Variants in CORO2A observed in about 807,000 individuals in gnomAD.
CORO2A encodes the protein coronin 2A, also known as coronin-2A.
A neutral mutation model predicts 62.4 loss-of-function variants in CORO2A; 47 were observed. The observed-to-expected ratio is 0.75, with a 90% CI of 0.60 to 0.96. CORO2A has a LOEUF of 0.96. Ranked by LOEUF, CORO2A falls within the 40% of genes least tolerant of loss-of-function variation. The probability of loss-of-function intolerance (pLI) is 0.00; values close to 1 mark genes in which losing one functional copy is unlikely to be tolerated. For synonymous variants in CORO2A, 273 were observed against 268.9 expected (o/e 1.02, Z -0.15); for missense variants, 610 against 684.1 (o/e 0.89, Z 1.21).
chr9:98,144,782 C>T (rs886314101), intron 2 of CORO2A, among the ~76,000 whole-genome samples: 5 of 152,060 alleles, frequency 3.3e-5, no homozygotes, highest in East Asian at 3.9e-4. Flanking sequence ...AAGCAGCCAG[C>T]GGGCACGGTA....
In CORO2A at chr9:98,149,860, C is replaced by T. The variant is rs971286237; in HGVS notation, c.201+7600G>A. ...TATCTTTGAGCTATTTATTATATTT[C>T]AAAAAGCCCAAAGAGAATCACACAT... On this transcript the variant is annotated intron_variant, in intron 2 of 11. Coordinates refer to ENST00000375077, the MANE Select transcript of CORO2A (RefSeq NM_052820.4). 8.5e-5 allele frequency among the ~76,000 whole-genome samples: 13 copies of T among 152,100 alleles called. 1 individual carries two copies. Among genetic ancestry groups the T allele is most frequent in the Admixed American group, 7.2e-4 (11 of 15,268 alleles).
chr9:98,155,490 G>A (rs1052741282), intron 2 of CORO2A, among the ~76,000 whole-genome samples: 2 of 151,744 alleles, frequency 1.3e-5, no homozygotes, highest in Admixed American at 1.3e-4. Context: ...GGGATTACAG[G>A]TGCCCGCCAC....
intron 1 of CORO2A, among the ~76,000 whole-genome samples, chr9:98,181,485 T>C (rs762452703): frequency 6.6e-6 from 1 of 152,060 alleles, no homozygotes; most frequent in African/African-American, 2.4e-5. Flanking sequence ...TCCAAACATC[T>C]GTTAAACTTG....
At chr9:98,179,026 TCTTTACCGGTCCTTTTA>T (rs1354201445) in intron 1 of CORO2A, among the ~76,000 whole-genome samples, 4 of 152,204 alleles carry the variant, frequency 2.6e-5, no homozygotes, top group African/African-American at 7.2e-5. Context: ...ACAGTCTAGC[TCTTTACCGGTCCTTTTA>T]CTTTACTGGT....
intron 2 of CORO2A, among the ~76,000 whole-genome samples, chr9:98,141,842 T>C (rs1827572811): frequency 6.6e-6 from 1 of 152,176 alleles, no homozygotes; most frequent in Non-Finnish European, 1.5e-5. Context: ...TGAGATACTA[T>C]GCATGAAGAG....
rs748663334 is a variant in CORO2A at position 98,126,530 on chromosome 9, AC to A, written c.1446+18del. The A allele has an allele frequency of 3.7e-6, 6 of 1,606,328 alleles. No homozygotes were observed. The Admixed American group carries it at 1.0e-4, about 27-fold the overall frequency. ...CCCAGCTGCCCCATGTGAAAGGCCC[AC>A]CCCGTCCTCCTTCACACCTCATTCT... On this transcript the variant is annotated intron_variant, in intron 11 of 11. Transcript: ENST00000375077.
chr9:98,142,508 G>A (rs985973368), intron 2 of CORO2A, among the ~76,000 whole-genome samples: 5 of 152,182 alleles, frequency 3.3e-5, no homozygotes, highest in African/African-American at 1.2e-4. Flanking sequence ...TGGCTGTGGG[G>A]CACTGATTGC....
chr9:98,129,814 T>C lies in CORO2A; in HGVS notation c.947A>G (p.Tyr316Cys), dbSNP rs755967926. 1.2e-6 allele frequency: 2 copies of C among 1,613,736 alleles called. No individual in the cohort carries two copies. Among genetic ancestry groups the C allele is most frequent in the Admixed American group, 1.7e-5 (1 of 60,026 alleles). Residue 316 changes from tyrosine (Y) to cysteine (C), a missense_variant, in exon 8 of 12, where the codon TAT (tyrosine) becomes TGT (cysteine). Transcript: ENST00000375077. ...CTTACCGATCCCCTTCTGTGGGTTATAGGAGCGGTACTCAGTCAGGTAGCT... is the reference window on the plus strand; with the variant it reads ...CTTACCGATCCCCTTCTGTGGGTTACAGGAGCGGTACTCAGTCAGGTAGCT... ...HLSYLTEYRS[Y>C]NPQKGIGVMP...
At position 98,167,116 on chromosome 9, in the gene CORO2A, A is replaced by G. The variant is rs951664007; in HGVS notation, c.1-9456T>C. Among the ~76,000 whole-genome samples the G allele has an allele frequency of 6.6e-5, 10 of 152,048 alleles. No homozygotes were observed. The South Asian group carries it at 8.3e-4, about 13-fold the overall frequency. On this transcript the variant is annotated intron_variant, in intron 1 of 11. Transcript: ENST00000375077. Reference sequence around the variant, plus strand: ...AAGATCCTGTCTCAAAAAAAAAAAAAAAAGAAAGAAAAGAAAAAGGAAGAA... The same window carrying G: ...AAGATCCTGTCTCAAAAAAAAAAAAGAAAGAAAGAAAAGAAAAAGGAAGAA...
chr9:98,131,554 A>G (rs192493972), intron 6 of CORO2A, among the ~76,000 whole-genome samples: 1 of 152,132 alleles, frequency 6.6e-6, no homozygotes, highest in African/African-American at 2.4e-5. Context: ...CGTGGCCTCA[A>G]GTGATCCTCC....
intron 3 of CORO2A, among the ~76,000 whole-genome samples, chr9:98,135,602 G>C (rs577925304): frequency 5.5e-4 from 84 of 152,252 alleles, no homozygotes; most frequent in African/African-American, 1.9e-3. Context: ...TGCCATGGCA[G>C]AGAGTAAGCT....
intron 3 of CORO2A, 150 bp from the exon 4 acceptor site, chr9:98,135,105 G>T: frequency 2.0e-6 from 2 of 1,010,914 alleles, no homozygotes; most frequent in African/African-American, 1.6e-5. Context: ...GGGCATTGAG[G>T]GGCAGTGGAG....
intron 2 of CORO2A, among the ~76,000 whole-genome samples, chr9:98,150,062 G>A (rs905937354): frequency 1.4e-4 from 21 of 151,880 alleles, no homozygotes; most frequent in African/African-American, 4.8e-4. Context: ...CTCCCGAATA[G>A]TTGGGGTTAC....
chr9:98,172,284 C>T (rs1445632970), intron 1 of CORO2A, among the ~76,000 whole-genome samples: 4 of 144,126 alleles, frequency 2.8e-5, no homozygotes, highest in Non-Finnish European at 6.1e-5. Flanking sequence ...CTTCTGAGCT[C>T]GACCCCACGC....
intron 1 of CORO2A, among the ~76,000 whole-genome samples, chr9:98,185,140 C>T (rs916215960): frequency 1.3e-5 from 2 of 152,150 alleles, no homozygotes; most frequent in African/African-American, 4.8e-5. Context: ...CAGGCATCAG[C>T]TCCTCTAGGG....
rs1176460019 is a variant in CORO2A, at chr9:98,126,768, C to A, written c.1227G>T (p.Leu409=). ...AATTGAAGATAGGTCTCTCTGCAGG[C>A]AGTGGGTGGGGTCTCAGCAGCTCAG... ...PGSELLRPHP[L]PAERPIFNSM... is the part of the protein sequence containing the mutation. The change falls in exon 11 of 12, where the codon CTG becomes CTT. Residue 409 remains leucine (L), a synonymous_variant. Coordinates refer to ENST00000375077, the MANE Select transcript of CORO2A (RefSeq NM_052820.4). 6.2e-7 allele frequency: 1 copy of A among 1,614,216 alleles called. No individual in the cohort carries two copies. Among genetic ancestry groups the A allele is most frequent in the South Asian group, 1.1e-5 (1 of 91,078 alleles).
chr9:98,129,892 T>C lies in CORO2A; in HGVS notation c.871-2A>G. On this transcript the variant is annotated splice_acceptor_variant, in intron 7 of 11. Coordinates refer to ENST00000375077, the MANE Select transcript of CORO2A (RefSeq NM_052820.4). LOFTEE classifies it high-confidence loss of function. ...GTAGTAGCGGATGTTGCCATCTCCCTGAGGAGGAGGAGAAGGAAGAGGAGG... is the reference window on the plus strand; with the variant it reads ...GTAGTAGCGGATGTTGCCATCTCCCCGAGGAGGAGGAGAAGGAAGAGGAGG... 6.2e-7 allele frequency: 1 copy of C among 1,611,312 alleles called. No homozygotes were observed. The highest frequency in any genetic ancestry group is 8.5e-7 in the Non-Finnish European group (1 of 1,177,794).
chr9:98,141,626 T>A (rs566835836), intron 2 of CORO2A, among the ~76,000 whole-genome samples: 20 of 152,328 alleles, frequency 1.3e-4, no homozygotes, highest in Non-Finnish European at 2.6e-4. Context: ...AGTGCTGGGA[T>A]TATAGGCTTG....
At chr9:98,144,798 G>A (rs866902728) in intron 2 of CORO2A, among the ~76,000 whole-genome samples, 3 of 152,138 alleles carry the variant, frequency 2.0e-5, no homozygotes, top group Non-Finnish European at 4.4e-5. Context: ...CGGTAGGCTG[G>A]AGGACAGGGC....
Sources: allele counts gnomAD v4.1 joint callset (sites outside exome capture counted in the v4.1 genomes callset), GRCh38; gene constraint gnomAD v4.1.1; transcripts MANE v1.5; gene names NCBI Gene and HGNC (gene_info 2026-07-23, HGNC 2026-07-21).